The following TMEM238L variants were observed in gnomAD, a reference collection of about 807,000 sequenced individuals.
TMEM238L encodes the protein transmembrane protein 238-like.
intron 1 of TMEM238L, among the ~76,000 whole-genome samples, chr17:10,799,426 G>T (rs1247181008): frequency 6.6e-6 from 1 of 152,138 alleles, no homozygotes; most frequent in Non-Finnish European, 1.5e-5. Context: ...TCCAACTTCT[G>T]GCCTCAAGTG....
intron 1 of TMEM238L, among the ~76,000 whole-genome samples, chr17:10,801,580 A>G (rs1222938788): frequency 1.3e-5 from 2 of 152,128 alleles, no homozygotes; most frequent in African/African-American, 4.8e-5. Flanking sequence ...TCAGCATAAT[A>G]TCACCTCCTC....
intron 1 of TMEM238L, 127 bp from the exon 2 acceptor site, chr17:10,796,075 C>T (rs887534521): frequency 2.0e-5 from 3 of 152,174 alleles, no homozygotes; most frequent in Admixed American, 6.5e-5. Flanking sequence ...CCTAGAGCAG[C>T]CTCTCCATGG....
intron 1 of TMEM238L, among the ~76,000 whole-genome samples, chr17:10,803,244 C>T (rs1378130053): frequency 1.3e-5 from 2 of 152,158 alleles, no homozygotes; most frequent in Non-Finnish European, 2.9e-5. Flanking sequence ...ACTTTTCTCC[C>T]CAGCAGAGAT....
chr17:10,796,627 T>G (rs1161928291), intron 1 of TMEM238L, among the ~76,000 whole-genome samples: 1 of 152,266 alleles, frequency 6.6e-6, no homozygotes, highest in Non-Finnish European at 1.5e-5. Flanking sequence ...TCTGCCTAAC[T>G]GCCTTTCCTT....
At chr17:10,798,727 G>C (rs150993018) in intron 1 of TMEM238L, among the ~76,000 whole-genome samples, 2 of 151,802 alleles carry the variant, frequency 1.3e-5, no homozygotes, top group African/African-American at 4.8e-5. Context: ...TGTGGGGGGC[G>C]TGTTTGTGTG....
At chr17:10,796,234 C>A (rs1272257985) in intron 1 of TMEM238L, among the ~76,000 whole-genome samples, 2 of 152,188 alleles carry the variant, frequency 1.3e-5, no homozygotes, top group Non-Finnish European at 2.9e-5. Flanking sequence ...TCAAGATTCT[C>A]ATCAAATCTT....
At chr17:10,799,063 C>G (rs1849558752) in intron 1 of TMEM238L, among the ~76,000 whole-genome samples, 2 of 152,210 alleles carry the variant, frequency 1.3e-5, no homozygotes, top group African/African-American at 2.4e-5. Context: ...GCCACCCTGC[C>G]CTCTCTCTGG....
At chr17:10,798,698 T>G (rs1904635964) in intron 1 of TMEM238L, among the ~76,000 whole-genome samples, 1 of 151,732 alleles carries the variant, frequency 6.6e-6, no homozygotes, top group Admixed American at 6.6e-5. Flanking sequence ...TTTCTGGATG[T>G]GTGTGGTAGG....
chr17:10,797,034 C>T (rs1236857293), intron 1 of TMEM238L, among the ~76,000 whole-genome samples: 7 of 152,152 alleles, frequency 4.6e-5, no homozygotes, highest in Non-Finnish European at 7.4e-5. Flanking sequence ...ACACTATCTA[C>T]AAGAACAGGA....
chr17:10,799,359 G>A (rs1265997915), intron 1 of TMEM238L, among the ~76,000 whole-genome samples: 2 of 152,126 alleles, frequency 1.3e-5, no homozygotes, highest in African/African-American at 4.8e-5. Flanking sequence ...CACAATGCCT[G>A]GCTATTTTTT....
chr17:10,801,196 G>A (rs1029179655), intron 1 of TMEM238L, among the ~76,000 whole-genome samples: 1 of 151,946 alleles, frequency 6.6e-6, no homozygotes, highest in African/African-American at 2.4e-5. Context: ...GATTACAGGC[G>A]CCTGCCACTG....
At chr17:10,795,429 T>C (rs11078862) in exon 2 of TMEM238L, 43,601 of 152,146 alleles carry the variant, frequency 0.29, 6,404 homozygotes, top group Middle Eastern at 0.39. Flanking sequence ...AATCAACACA[T>C]TGGAATATGT....
chr17:10,800,525 G>A (rs1346905948), intron 1 of TMEM238L, among the ~76,000 whole-genome samples: 2 of 152,192 alleles, frequency 1.3e-5, no homozygotes, highest in African/African-American at 4.8e-5. Flanking sequence ...GTTGTACATT[G>A]CCATTAGAAC....
Position 10,803,934 on chromosome 17 carries a change from G to A in TMEM238L, c.30C>T (p.Cys10=), listed in dbSNP as rs571856360. ...GGAAGAGCGCACAGCGCCCTGGATG[G>A]CATCTTCCCCACAGACTCCCCAGGA... Residue 10 remains cysteine, a synonymous_variant, in exon 1 of 2, where the codon TGC becomes TGT. Coordinates refer to ENST00000581851, the Ensembl canonical transcript of TMEM238L. 2.0e-5 allele frequency: 8 copies of A among 399,114 alleles called. No homozygotes were observed. The South Asian group carries it at 7.6e-4, about 38-fold the overall frequency. 24.7% of individuals were successfully genotyped at this position (399,114 alleles called of 1,614,324 possible).
chr17:10,799,277 A>C (rs1354513357), intron 1 of TMEM238L, among the ~76,000 whole-genome samples: 1 of 152,208 alleles, frequency 6.6e-6, no homozygotes, highest in African/African-American at 2.4e-5. Context: ...GGCCCACTGC[A>C]ATCTCCGCCT....
chr17:10,799,159 T>TG (rs1180516073), intron 1 of TMEM238L, among the ~76,000 whole-genome samples: 2 of 152,202 alleles, frequency 1.3e-5, no homozygotes, highest in African/African-American at 4.8e-5. Context: ...TCCTCATCTC[T>TG]GGGGCAGGGT....
chr17:10,797,351 C>A lies in TMEM238L; in HGVS notation c.*119-1403G>T, dbSNP rs868643892. ...AGTGTTCTTTTCTCCTTTCTTCCTC[C>A]CCCCTTTCCTTCCCTCTCACCCTCC... On this transcript the variant is annotated intron_variant, in intron 1 of 1. Coordinates refer to ENST00000581851, the Ensembl canonical transcript of TMEM238L. 1.2e-4 allele frequency among the ~76,000 whole-genome samples: 17 copies of A among 145,454 alleles called. No homozygotes were observed. In the Middle Eastern group the frequency reaches 0.014, roughly 119 times the overall value.
chr17:10,797,752 T>C (rs1290518069), intron 1 of TMEM238L: 1 of 152,156 alleles, frequency 6.6e-6, no homozygotes, highest in East Asian at 1.9e-4. Flanking sequence ...ATGCAGTCTC[T>C]GCTCTTCTCC....
chr17:10,798,468 C>T (rs934674827), intron 1 of TMEM238L, among the ~76,000 whole-genome samples: 3 of 152,326 alleles, frequency 2.0e-5, no homozygotes, highest in South Asian at 4.1e-4. Context: ...GCTGACTTGG[C>T]AGCTCCACTG....
Sources: allele counts gnomAD v4.1 joint callset (sites outside exome capture counted in the v4.1 genomes callset), GRCh38; gene constraint gnomAD v4.1.1; transcripts MANE v1.5; gene names NCBI Gene and HGNC (gene_info 2026-07-23, HGNC 2026-07-21).